The following ZNF407 variants were observed in gnomAD, a reference collection of about 807,000 sequenced individuals.
ZNF407 encodes zinc finger protein 407.
A neutral mutation model predicts 131.2 loss-of-function variants in ZNF407; 17 were observed. The ratio of observed to expected loss-of-function variants is 0.13; its 90% confidence interval spans 0.09 to 0.19. The LOEUF (loss-of-function observed/expected upper bound fraction) is 0.19, where lower values mean the gene tolerates loss of function less well. ZNF407 is among the 10% of genes least tolerant of loss of function. ZNF407 has a pLI of 1.00. For synonymous variants in ZNF407, 1,156 were observed against 1,062.0 expected, an observed-to-expected ratio of 1.09 and a Z score of -1.72; for missense variants, 2,681 against 2,830.6, an observed-to-expected ratio of 0.95 and a Z score of 1.20.
intron 8 of ZNF407, among the ~76,000 whole-genome samples, chr18:74,927,608 CAA>C (rs779382643): frequency 2.0e-5 from 3 of 152,030 alleles, no homozygotes; most frequent in Non-Finnish European, 4.4e-5. Context: ...TTCTCAACTG[CAA>C]AAAGAGTAAC....
At chr18:74,702,573 T>C (rs1967524364) in intron 3 of ZNF407, among the ~76,000 whole-genome samples, 1 of 152,162 alleles carries the variant, frequency 6.6e-6, no homozygotes, top group Non-Finnish European at 1.5e-5. Flanking sequence ...AAATATTAAA[T>C]ATTTTGAGTT....
chr18:74,786,385 G>C (rs1232239152), intron 4 of ZNF407, among the ~76,000 whole-genome samples: 2 of 151,982 alleles, frequency 1.3e-5, no homozygotes, highest in Admixed American at 6.6e-5. Context: ...TCTGTGTCCA[G>C]GCTTCAGGCT....
chr18:74,649,249 G>A (rs1985115355), intron 3 of ZNF407, among the ~76,000 whole-genome samples: 1 of 152,184 alleles, frequency 6.6e-6, no homozygotes, highest in South Asian at 2.1e-4. Context: ...GACCAATAAA[G>A]TGTTAATTTG....
chr18:74,704,491 G>A (rs1374081347), intron 3 of ZNF407, among the ~76,000 whole-genome samples: 1 of 152,166 alleles, frequency 6.6e-6, no homozygotes, highest in African/African-American at 2.4e-5. Context: ...CATGGCGAGA[G>A]GGACCTATAG....
At chr18:75,044,709 A>C (rs990167377) in intron 8 of ZNF407, among the ~76,000 whole-genome samples, 1 of 152,208 alleles carries the variant, frequency 6.6e-6, no homozygotes, top group Non-Finnish European at 1.5e-5. Flanking sequence ...AATATATTTT[A>C]TTGTAAGTAT....
At chr18:74,781,323 T>G in intron 3 of ZNF407, 105 bp from the exon 4 acceptor site, 1 of 821,966 alleles carries the variant, frequency 1.2e-6, no homozygotes, top group South Asian at 1.7e-5. Context: ...TAATACGCTT[T>G]TTATGTTATG....
At chr18:74,641,236 A>G (rs1984701443) in intron 3 of ZNF407, 114 bp downstream of exon 3, 1 of 716,022 alleles carries the variant, frequency 1.4e-6, no homozygotes, top group Non-Finnish European at 2.5e-6. Context: ...ATGCATGCGT[A>G]CCCTCCTTTC....
intron 8 of ZNF407, among the ~76,000 whole-genome samples, chr18:75,036,149 T>G (rs1973305795): frequency 6.6e-6 from 1 of 152,226 alleles, no homozygotes. Flanking sequence ...TAACAGAGGA[T>G]ATTTATGCAA....
chr18:74,837,929 C>T (rs1470624264), intron 4 of ZNF407, among the ~76,000 whole-genome samples: 3 of 152,238 alleles, frequency 2.0e-5, no homozygotes, highest in Non-Finnish European at 2.9e-5. Context: ...GTTGGGATTA[C>T]AGGCGTGACC....
At chr18:74,945,837 C>G (rs1355514908) in intron 8 of ZNF407, among the ~76,000 whole-genome samples, 2 of 152,150 alleles carry the variant, frequency 1.3e-5, no homozygotes, top group Non-Finnish European at 2.9e-5. Context: ...TTCAAATGCC[C>G]TCTAGCACTA....
chr18:74,714,578 AAG>A (rs1967846659), intron 3 of ZNF407, among the ~76,000 whole-genome samples: 1 of 152,146 alleles, frequency 6.6e-6, no homozygotes, highest in Non-Finnish European at 1.5e-5. Flanking sequence ...GTCAGTTTTG[AAG>A]ACTAGTAACT....
At position 74,786,791 on chromosome 18, in the gene ZNF407, A is replaced by AGGTTTTTTTTTTTTTTT. The variant is rs1969722911; in HGVS notation, c.4877+5289_4877+5290insGGTTTTTTTTTTTTTTT. Reference sequence around the variant, plus strand: ...TTAATTGGTTTTAATGTAAAAAAGTATGTTTTTTTTTTTTTTTTTTTTTTT... The same window carrying AGGTTTTTTTTTTTTTTT: ...TTAATTGGTTTTAATGTAAAAAAGTAGGTTTTTTTTTTTTTTTTGTTTTTTTTTTTTTTTTTTTTTTT... On this transcript the variant is annotated intron_variant, in intron 4 of 8. Transcript: ENST00000299687. Among the ~76,000 whole-genome samples the AGGTTTTTTTTTTTTTTT allele has an allele frequency of 5.1e-5, 4 of 77,696 alleles. 2 individuals are homozygous for AGGTTTTTTTTTTTTTTT. Among genetic ancestry groups the AGGTTTTTTTTTTTTTTT allele is most frequent in the African/African-American group, 8.8e-5 (2 of 22,710 alleles). The allele number at this position is 77,696 out of a possible 152,430, so 51.0% of individuals were successfully genotyped here. A position where few individuals can be genotyped will look rare whatever the true frequency, so the allele number is the denominator to read the frequency against.
intron 4 of ZNF407, among the ~76,000 whole-genome samples, chr18:74,863,481 T>C (rs990702281): frequency 2.0e-5 from 3 of 152,036 alleles, no homozygotes; most frequent in Admixed American, 6.6e-5. Context: ...CTTAGCTCTT[T>C]TGTTTTTGTG....
At chr18:74,773,167 A>G (rs1969396598) in intron 3 of ZNF407, among the ~76,000 whole-genome samples, 1 of 152,338 alleles carries the variant, frequency 6.6e-6, no homozygotes, top group African/African-American at 2.4e-5. Flanking sequence ...TGAAATATGA[A>G]TGTATATGAA....
chr18:74,671,427 C>T (rs1986136198), intron 3 of ZNF407, among the ~76,000 whole-genome samples: 5 of 151,878 alleles, frequency 3.3e-5, no homozygotes, highest in South Asian at 2.1e-4. Flanking sequence ...ACTCATGTCA[C>T]GGGGGTTTGT....
chr18:74,726,161 G>C (rs1599102117), intron 3 of ZNF407, among the ~76,000 whole-genome samples: 1 of 151,964 alleles, frequency 6.6e-6, no homozygotes, highest in East Asian at 1.9e-4. Flanking sequence ...TTATTCAGCT[G>C]TCCCCTTCCA....
chr18:74,915,694 A>AGTATGT (rs1971746929), intron 7 of ZNF407, among the ~76,000 whole-genome samples: 1 of 5,824 alleles, frequency 1.7e-4, no homozygotes, highest in African/African-American at 5.9e-4. Context: ...TCGAATCGGG[A>AGTATGT]GTGTGTGTGT....
At chr18:74,755,579 CTGGTTTT>C (rs1568199561) in intron 3 of ZNF407, among the ~76,000 whole-genome samples, 1 of 13,264 alleles carries the variant, frequency 7.5e-5, no homozygotes, top group Non-Finnish European at 1.4e-4. Flanking sequence ...TTCCTCCTTT[CTGGTTTT>C]TTTTTTTTTT....
intron 4 of ZNF407, among the ~76,000 whole-genome samples, chr18:74,815,205 A>G (rs1970251509): frequency 6.6e-6 from 1 of 152,158 alleles, no homozygotes; most frequent in South Asian, 2.1e-4. Flanking sequence ...ATGCTAGAAT[A>G]TGTGATTTTA....
Sources: gnomAD v4.1 joint callset for allele counts (sites outside exome capture counted in the v4.1 genomes callset) on GRCh38, gnomAD v4.1.1 for gene constraint, MANE v1.5 for transcripts, NCBI Gene and HGNC (gene_info 2026-07-23, HGNC 2026-07-21) for gene names.